The following DMD variants were observed in gnomAD, a reference collection of about 807,000 sequenced individuals.
DMD encodes the protein mutant dystrophin.
DMD carries 63 observed loss-of-function variants against 330.1 expected under a neutral mutation model. The observed-to-expected ratio is 0.19, with a 90% CI of 0.16 to 0.24. DMD has a LOEUF of 0.24. Ranked by LOEUF, DMD falls within the 10% of genes least tolerant of loss-of-function variation. The pLI is 1.00. For synonymous variants in DMD, 1,223 were observed against 959.8 expected, an observed-to-expected ratio of 1.27 and a Z score of -5.07; for missense variants, 3,344 against 2,684.1, an observed-to-expected ratio of 1.25 and a Z score of -5.43.
At chrX:32,554,849 AG>A (rs2050021797) in intron 16 of DMD, among the ~76,000 whole-genome samples, 7 of 62,027 alleles carry the variant, frequency 1.1e-4, no homozygotes, top group Non-Finnish European at 2.2e-4. Flanking sequence ...AGAGAGAGAG[AG>A]AGAGAGAGAG....
intron 7 of DMD, among the ~76,000 whole-genome samples, chrX:32,732,868 C>T (rs1325582629): frequency 9.1e-6 from 1 of 110,137 alleles, no homozygotes; most frequent in Non-Finnish European, 1.9e-5. Flanking sequence ...CGAGCAAAAT[C>T]ACCAGCTAAC....
chrX:31,350,630 TGTGAGAGAGA>T (rs1376209839), intron 60 of DMD, among the ~76,000 whole-genome samples: 679 of 47,457 alleles, frequency 0.014, 10 homozygotes, highest in African/African-American at 0.04. Context: ...TGTGTGTGTG[TGTGAGAGAGA>T]GAGAGAGAGA....
chrX:32,842,738 C>T (rs1388853568), intron 4 of DMD, among the ~76,000 whole-genome samples: 1 of 111,710 alleles, frequency 9.0e-6, no homozygotes, highest in Non-Finnish European at 1.9e-5. Context: ...CATGTTGCTG[C>T]AAAGGACATG....
chrX:33,011,726 TA>T (rs1447567728), intron 2 of DMD, among the ~76,000 whole-genome samples: 1 of 111,974 alleles, frequency 8.9e-6, no homozygotes, highest in Non-Finnish European at 1.9e-5. Context: ...TTAGTAAACA[TA>T]TATCTCTGAT....
intron 12 of DMD, among the ~76,000 whole-genome samples, chrX:32,602,527 G>T (rs774288047): frequency 7.2e-5 from 8 of 111,572 alleles, no homozygotes; most frequent in Admixed American, 6.7e-4. Context: ...GTGAAATTCA[G>T]TTCCAATGAT....
chrX:32,696,831 G>C (rs1323129987), intron 9 of DMD, among the ~76,000 whole-genome samples: 1 of 111,325 alleles, frequency 9.0e-6, no homozygotes, highest in Non-Finnish European at 1.9e-5. Flanking sequence ...AAGAGGTCCA[G>C]AATGAGAGAG....
intron 44 of DMD, among the ~76,000 whole-genome samples, chrX:32,008,886 G>C (rs2095684126): frequency 9.0e-6 from 1 of 111,113 alleles, no homozygotes; most frequent in East Asian, 2.9e-4. Flanking sequence ...GTATAAGAGG[G>C]AAAGTTGAAA....
At chrX:31,934,131 TAGG>T (rs2094894113) in intron 45 of DMD, among the ~76,000 whole-genome samples, 1 of 111,706 alleles carries the variant, frequency 9.0e-6, no homozygotes, top group Non-Finnish European at 1.9e-5. Flanking sequence ...TTAAGTATTA[TAGG>T]AGGAGAAGTT....
At chrX:31,850,206 A>C (rs934446112) in intron 48 of DMD, among the ~76,000 whole-genome samples, 2 of 111,651 alleles carry the variant, frequency 1.8e-5, no homozygotes, top group Non-Finnish European at 3.8e-5. Context: ...TTTCTATCTA[A>C]TCTATCATTG....
At chrX:32,713,855 G>C (rs778581236) in intron 7 of DMD, among the ~76,000 whole-genome samples, 1 of 111,690 alleles carries the variant, frequency 9.0e-6, no homozygotes, top group East Asian at 2.8e-4. Context: ...AATATAGTGA[G>C]TCAAAATTGC....
chrX:32,578,924 G>A (rs1347676932), intron 13 of DMD, among the ~76,000 whole-genome samples: 1 of 111,688 alleles, frequency 9.0e-6, no homozygotes, highest in Admixed American at 9.5e-5. Context: ...AATTTTATGT[G>A]TAATGAGCCC....
At chrX:31,494,407 T>G (rs963157537) in intron 57 of DMD, among the ~76,000 whole-genome samples, 1 of 111,673 alleles carries the variant, frequency 9.0e-6, no homozygotes, top group Non-Finnish European at 1.9e-5. Flanking sequence ...GAATCTAAGT[T>G]GTATTTGGAA....
intron 48 of DMD, among the ~76,000 whole-genome samples, chrX:31,860,171 T>C (rs1383988386): frequency 1.8e-5 from 2 of 112,077 alleles, no homozygotes. Flanking sequence ...TATCTAAATT[T>C]CCTTCTAAAG....
At chrX:31,242,354 C>T (rs1479617695) in intron 63 of DMD, among the ~76,000 whole-genome samples, 3 of 104,874 alleles carry the variant, frequency 2.9e-5, no homozygotes, top group African/African-American at 1.0e-4. Flanking sequence ...GTCTTTCATA[C>T]CTTTGTTTAT....
intron 60 of DMD, among the ~76,000 whole-genome samples, chrX:31,418,123 T>A (rs1424483643): frequency 9.1e-6 from 1 of 110,310 alleles, no homozygotes; most frequent in Non-Finnish European, 1.9e-5. Context: ...TAACAAAATA[T>A]CATAAACTGG....
chrX:31,858,158 T>C (rs1569482172), intron 48 of DMD, among the ~76,000 whole-genome samples: 1 of 111,567 alleles, frequency 9.0e-6, no homozygotes, highest in African/African-American at 3.3e-5. Flanking sequence ...AATCATAATA[T>C]ACTCTTCAGT....
chrX:32,536,219 C>T (rs1380876684), intron 17 of DMD, among the ~76,000 whole-genome samples: 8 of 97,475 alleles, frequency 8.2e-5, no homozygotes, highest in Non-Finnish European at 1.2e-4. Flanking sequence ...AAGCTGAGAT[C>T]GCGCCACTGC....
At chrX:32,698,053 A>T in intron 8 of DMD, 55 bp from the exon 9 acceptor site, 1 of 1,131,780 alleles carries the variant, frequency 8.8e-7, no homozygotes, top group Non-Finnish European at 1.2e-6. Flanking sequence ...AACCATAAGT[A>T]ACCCGAAAGG....
rs182096172 is a variant in DMD, at chrX:32,690,566, A to T, written c.960+7304T>A. On this transcript the variant is annotated intron_variant, in intron 9 of 78. Transcript: ENST00000357033. ...CCTTGAGAAAGAAGTACAAAATTGG[A>T]GGTATCACACTTCCTGATTTCAAAA... Among the ~76,000 whole-genome samples the T allele has an allele frequency of 2.7e-5, 3 of 111,747 alleles. No homozygotes were observed. In the East Asian group the frequency reaches 8.4e-4, roughly 31 times the overall value.
Sources: allele counts gnomAD v4.1 joint callset (sites outside exome capture counted in the v4.1 genomes callset), GRCh38; gene constraint gnomAD v4.1.1; transcripts MANE v1.5; gene names NCBI Gene and HGNC (gene_info 2026-07-23, HGNC 2026-07-21).